The following CTNNA2 variants were observed in gnomAD, a reference collection of about 807,000 sequenced individuals.
CTNNA2 encodes catenin alpha-2.
Under a neutral mutation model 101.0 loss-of-function variants are expected in CTNNA2, and 42 were observed. The ratio of observed to expected loss-of-function variants is 0.42; its 90% CI spans 0.32 to 0.54. The LOEUF is 0.54. CTNNA2 is among the 20% of genes least tolerant of loss of function. The pLI is 0.14. For missense variants in CTNNA2, 871 were observed against 1,223.1 expected (o/e 0.71, Z 4.29); for synonymous variants, 450 against 456.4 (o/e 0.99, Z 0.18).
chr2:80,604,284 A>C, intron 16 of CTNNA2, 105 bp downstream of exon 16: 2 of 803,152 alleles, frequency 2.5e-6, no homozygotes, highest in South Asian at 1.5e-5. Context: ...CTGAAGAATG[A>C]ATCAGAGGGG....
intron 4 of CTNNA2, among the ~76,000 whole-genome samples, chr2:79,443,023 C>A (rs982433999): frequency 6.6e-6 from 1 of 152,050 alleles, no homozygotes; most frequent in African/African-American, 2.4e-5. Context: ...TGTATGTCAC[C>A]CTAAGATACT....
intron 3 of CTNNA2, among the ~76,000 whole-genome samples, chr2:79,805,665 C>T (rs963413254): frequency 1.3e-5 from 2 of 152,006 alleles, no homozygotes; most frequent in African/African-American, 2.4e-5. Flanking sequence ...TGGCTGGGCA[C>T]GGTGGCTCAT....
intron 4 of CTNNA2, among the ~76,000 whole-genome samples, chr2:79,418,883 AAGTG>A (rs10615999): frequency 0.27 from 41,630 of 151,804 alleles, 5,843 homozygotes; most frequent in South Asian, 0.43. Context: ...TATGTTGAAC[AAGTG>A]AGATTATTAA....
chr2:80,636,700 G>A (rs1268297767), intron 18 of CTNNA2, among the ~76,000 whole-genome samples: 3 of 152,034 alleles, frequency 2.0e-5, no homozygotes, highest in Non-Finnish European at 4.4e-5. Context: ...ATTTTATATA[G>A]ACTATTTATT....
intron 7 of CTNNA2, among the ~76,000 whole-genome samples, chr2:79,916,812 C>A (rs191300601): frequency 6.6e-6 from 1 of 151,616 alleles, no homozygotes; most frequent in East Asian, 2.0e-4. Flanking sequence ...TTAGTAGAGA[C>A]GGGGTTTCAC....
chr2:79,811,144 A>G lies in CTNNA2; in HGVS notation c.299-46869A>G, dbSNP rs192598000. On this transcript the variant is annotated intron_variant, in intron 3 of 18. Transcript: ENST00000402739. ...GTTGAACTAGTTTACAGTCCCACCA[A>G]CAGTGTAAAAGTGTTCCTATTTCTG... Among the ~76,000 whole-genome samples the G allele has an allele frequency of 7.7e-3, 1,175 of 151,898 alleles. 4 individuals carry two copies. The highest frequency in any genetic ancestry group is 0.013 in the African/African-American group (517 of 41,320).
chr2:79,920,354 A>C (rs758880418), intron 7 of CTNNA2, among the ~76,000 whole-genome samples: 13 of 152,082 alleles, frequency 8.5e-5, no homozygotes, highest in African/African-American at 2.9e-4. Context: ...CACTTGCCAC[A>C]CTCCAAAATC....
At chr2:80,624,431 T>C (rs1016945327) in intron 18 of CTNNA2, among the ~76,000 whole-genome samples, 1 of 151,950 alleles carries the variant, frequency 6.6e-6, no homozygotes, top group Admixed American at 6.6e-5. Flanking sequence ...GCTGTTACCT[T>C]ACACCCATCA....
intron 1 of CTNNA2, among the ~76,000 whole-genome samples, chr2:79,629,274 G>T (rs1267870360): frequency 6.6e-6 from 1 of 152,048 alleles, no homozygotes; most frequent in Admixed American, 6.6e-5. Context: ...GCCTTTGAAA[G>T]GTACTGACCT....
At chr2:79,423,458 T>C (rs185969276) in intron 4 of CTNNA2, among the ~76,000 whole-genome samples, 1 of 152,328 alleles carries the variant, frequency 6.6e-6, no homozygotes. Flanking sequence ...TTTTAAGCCA[T>C]TAAGTTTTGA....
intron 4 of CTNNA2, among the ~76,000 whole-genome samples, chr2:79,445,843 T>C (rs1419875456): frequency 1.3e-5 from 2 of 152,124 alleles, no homozygotes; most frequent in Admixed American, 1.3e-4. Context: ...TCTAGGCAAA[T>C]ATAGGATATG....
chr2:79,725,067 T>C (rs1686744397), intron 2 of CTNNA2, among the ~76,000 whole-genome samples: 3 of 152,124 alleles, frequency 2.0e-5, no homozygotes, highest in Admixed American at 1.3e-4. Context: ...TTTAGGTCCA[T>C]AGAGGGAGCT....
At chr2:79,299,523 C>T (rs943342212) in intron 2 of CTNNA2, among the ~76,000 whole-genome samples, 1 of 152,140 alleles carries the variant, frequency 6.6e-6, no homozygotes. Context: ...TTTCAAAGCC[C>T]TCTGCCAAAC....
At chr2:80,359,202 C>T (rs1170943201) in intron 7 of CTNNA2, among the ~76,000 whole-genome samples, 1 of 151,992 alleles carries the variant, frequency 6.6e-6, no homozygotes, top group Non-Finnish European at 1.5e-5. Flanking sequence ...ATGGCAGGAC[C>T]CTGTCTCTAA....
intron 7 of CTNNA2, among the ~76,000 whole-genome samples, chr2:80,187,167 T>C (rs369149722): frequency 6.6e-6 from 1 of 152,274 alleles, no homozygotes; most frequent in Admixed American, 6.5e-5. Context: ...GTCCAATGCA[T>C]TAGAAAAAGA....
chr2:79,657,748 A>AAT (rs1254919758), intron 2 of CTNNA2, among the ~76,000 whole-genome samples: 1 of 151,856 alleles, frequency 6.6e-6, no homozygotes, highest in African/African-American at 2.4e-5. Flanking sequence ...AGTGTGAAAA[A>AAT]AAATAGGATT....
intron 4 of CTNNA2, among the ~76,000 whole-genome samples, chr2:79,483,523 C>T (rs892629689): frequency 3.9e-5 from 6 of 152,102 alleles, no homozygotes; most frequent in Non-Finnish European, 8.8e-5. Flanking sequence ...TGGGAGGATC[C>T]AGTTCCCCAT....
intron 2 of CTNNA2, among the ~76,000 whole-genome samples, chr2:79,218,329 G>A (rs1201498370): frequency 2.6e-5 from 2 of 77,264 alleles, no homozygotes; most frequent in African/African-American, 3.9e-5. Context: ...GTGTGTGTGT[G>A]TGTGTGTGTG....
intron 4 of CTNNA2, among the ~76,000 whole-genome samples, chr2:79,386,338 C>T (rs1678105677): frequency 6.6e-6 from 1 of 152,152 alleles, no homozygotes; most frequent in African/African-American, 2.4e-5. Flanking sequence ...TAGTAAGCTA[C>T]CTGTTGACAG....
Sources: allele counts gnomAD v4.1 joint callset (sites outside exome capture counted in the v4.1 genomes callset), GRCh38; gene constraint gnomAD v4.1.1; transcripts MANE v1.5; gene names NCBI Gene and HGNC (gene_info 2026-07-23, HGNC 2026-07-21).